Variants in RABGAP1L observed in about 807,000 individuals in gnomAD.
RABGAP1L encodes the protein RAB GTPase activating protein 1 like.
RABGAP1L carries 63 observed loss-of-function variants against 137.7 expected under a neutral mutation model. The observed-to-expected ratio is 0.46, with a 90% CI of 0.37 to 0.56. RABGAP1L has a LOEUF of 0.56. Among genes scored for constraint, RABGAP1L ranks in the 20% least tolerant of loss-of-function variants. RABGAP1L has a pLI of 0.00. For synonymous variants in RABGAP1L, 431 were observed against 433.7 expected (o/e 0.99, Z 0.08); for missense variants, 1,095 against 1,244.0 (o/e 0.88, Z 1.80).
At chr1:174,868,543 A>G (rs1474075260) in intron 19 of RABGAP1L, among the ~76,000 whole-genome samples, 4 of 152,186 alleles carry the variant, frequency 2.6e-5, no homozygotes, top group Admixed American at 1.3e-4. Context: ...GACTCAAGAT[A>G]AAAATGAACT....
chr1:174,880,161 C>T (rs1230436439), intron 19 of RABGAP1L, among the ~76,000 whole-genome samples: 1 of 151,836 alleles, frequency 6.6e-6, no homozygotes, highest in Non-Finnish European at 1.5e-5. Flanking sequence ...GTATAATATA[C>T]ATAATTTATG....
At chr1:174,942,583 G>C (rs1666074072) in intron 19 of RABGAP1L, among the ~76,000 whole-genome samples, 1 of 152,166 alleles carries the variant, frequency 6.6e-6, no homozygotes, top group African/African-American at 2.4e-5. Flanking sequence ...CTGTGCCTTT[G>C]TTCTTCTTCT....
chr1:174,409,726 G>A (rs753736408), intron 13 of RABGAP1L, among the ~76,000 whole-genome samples: 2 of 152,096 alleles, frequency 1.3e-5, no homozygotes, highest in South Asian at 2.1e-4. Flanking sequence ...GGCCACTCTG[G>A]AAGTATCTGT....
chr1:174,388,804 A>G (rs1163001004), intron 12 of RABGAP1L, among the ~76,000 whole-genome samples: 2 of 152,136 alleles, frequency 1.3e-5, no homozygotes, highest in Non-Finnish European at 2.9e-5. Context: ...CTAAGTGAAC[A>G]TTGGAGGAAA....
chr1:174,380,150 G>C (rs989362000), intron 12 of RABGAP1L, among the ~76,000 whole-genome samples: 4 of 151,542 alleles, frequency 2.6e-5, no homozygotes, highest in Non-Finnish European at 5.9e-5. Context: ...ACTTGATCAT[G>C]GTGGATAAGC....
chr1:174,544,588 GTCT>G (rs1432795915), intron 13 of RABGAP1L, among the ~76,000 whole-genome samples: 1 of 152,198 alleles, frequency 6.6e-6, no homozygotes, highest in Non-Finnish European at 1.5e-5. Flanking sequence ...ATCATCTGAA[GTCT>G]TCTTCTCTCA....
intron 13 of RABGAP1L, among the ~76,000 whole-genome samples, chr1:174,443,611 T>C (rs376873217): frequency 6.6e-5 from 10 of 152,194 alleles, no homozygotes; most frequent in African/African-American, 2.4e-4. Flanking sequence ...AGTTTGCAAA[T>C]ATTTTCCCAT....
chr1:174,498,956 C>G (rs1660999527), intron 13 of RABGAP1L, among the ~76,000 whole-genome samples: 1 of 151,574 alleles, frequency 6.6e-6, no homozygotes, highest in African/African-American at 2.4e-5. Flanking sequence ...AGTTTAAATT[C>G]CTTTTGGATA....
At chr1:174,852,815 CA>C (rs71117583) in intron 19 of RABGAP1L, among the ~76,000 whole-genome samples, 7 of 143,404 alleles carry the variant, frequency 4.9e-5, no homozygotes, top group African/African-American at 8.0e-5. Flanking sequence ...GATTTGGTCT[CA>C]AAAAAAAAAA....
chr1:174,242,415 T>C (rs1671903617), intron 5 of RABGAP1L, among the ~76,000 whole-genome samples: 1 of 152,256 alleles, frequency 6.6e-6, no homozygotes, highest in African/African-American at 2.4e-5. Flanking sequence ...TAAATGGGTG[T>C]GGATGGCAAT....
At chr1:174,452,376 A>T (rs960157413) in intron 13 of RABGAP1L, among the ~76,000 whole-genome samples, 5 of 152,148 alleles carry the variant, frequency 3.3e-5, no homozygotes, top group Non-Finnish European at 7.4e-5. Context: ...GGCCTTGGGT[A>T]AGATACCAAA....
At chr1:174,219,318 T>C (rs752128960) in intron 2 of RABGAP1L, 23 bp downstream of exon 2, 3 of 1,443,152 alleles carry the variant, frequency 2.1e-6, no homozygotes, top group Admixed American at 2.5e-5. Context: ...TTTCTACATA[T>C]GGTATAATTT....
In RABGAP1L at chr1:174,588,458, C is replaced by A. The variant is rs573573468; in HGVS notation, c.1711-48917C>A. On this transcript the variant is annotated intron_variant, in intron 13 of 25. Transcript: ENST00000681986. ...AGGATTATAGGCATGAGCCACCACG[C>A]CTGGCCCGGCCTAGTTATTTTTAAA... is the stretch of plus-strand genomic sequence containing the variant. 1.5e-4 allele frequency among the ~76,000 whole-genome samples: 23 copies of A among 152,308 alleles called. No homozygotes were observed. The East Asian group carries it at 3.3e-3, about 22-fold the overall frequency.
intron 13 of RABGAP1L, among the ~76,000 whole-genome samples, chr1:174,575,035 A>T (rs1348787486): frequency 6.6e-6 from 1 of 152,184 alleles, no homozygotes; most frequent in East Asian, 1.9e-4. Flanking sequence ...GGTTCAAGCG[A>T]TTCTCCTGCC....
chr1:174,759,759 G>C (rs1274577285), intron 18 of RABGAP1L, among the ~76,000 whole-genome samples: 2 of 152,108 alleles, frequency 1.3e-5, no homozygotes, highest in Non-Finnish European at 2.9e-5. Flanking sequence ...GGAGAAGCAA[G>C]ATACAGAAGG....
At chr1:174,334,641 T>C (rs1681314700) in intron 11 of RABGAP1L, among the ~76,000 whole-genome samples, 1 of 152,186 alleles carries the variant, frequency 6.6e-6, no homozygotes, top group East Asian at 1.9e-4. Flanking sequence ...TTGCACTTGC[T>C]CTTCCCTCTC....
intron 19 of RABGAP1L, among the ~76,000 whole-genome samples, chr1:174,876,658 C>T (rs1167792125): frequency 6.6e-6 from 1 of 152,058 alleles, no homozygotes; most frequent in African/African-American, 2.4e-5. Flanking sequence ...TTAAAAGAAA[C>T]CCCTAGCCTT....
intron 11 of RABGAP1L, among the ~76,000 whole-genome samples, chr1:174,355,409 A>G (rs1419135795): frequency 1.2e-4 from 17 of 145,614 alleles, no homozygotes; most frequent in South Asian, 6.6e-4. Flanking sequence ...TGGGAATTGA[A>G]CAATGAGAAC....
At chr1:174,681,471 A>C (rs533605286) in intron 14 of RABGAP1L, among the ~76,000 whole-genome samples, 65 of 152,366 alleles carry the variant, frequency 4.3e-4, no homozygotes, top group Non-Finnish European at 7.2e-4. Context: ...ATATGAGTAC[A>C]TTATTGTATG....
Sources: allele counts gnomAD v4.1 joint callset (sites outside exome capture counted in the v4.1 genomes callset), GRCh38; gene constraint gnomAD v4.1.1; transcripts MANE v1.5; gene names NCBI Gene and HGNC (gene_info 2026-07-23, HGNC 2026-07-21).